PLD1: variants seen among roughly 807,000 people sequenced by gnomAD.
PLD1 encodes the protein phospholipase D1.
PLD1 carries 112 observed loss-of-function variants against 137.1 expected under a neutral mutation model. The ratio of observed to expected loss-of-function variants is 0.82; its 90% CI spans 0.70 to 0.96. PLD1 has a LOEUF of 0.96. Ranked by LOEUF, PLD1 falls within the 40% of genes least tolerant of loss-of-function variation. PLD1 has a pLI of 0.00. For missense variants in PLD1, 1,321 were observed against 1,342.0 expected (o/e 0.98, Z 0.24); for synonymous variants, 431 against 454.7 (o/e 0.95, Z 0.66).
At chr3:171,650,988 G>A (rs1293600584) in intron 21 of PLD1, among the ~76,000 whole-genome samples, 5 of 152,136 alleles carry the variant, frequency 3.3e-5, no homozygotes, top group Non-Finnish European at 5.9e-5. Flanking sequence ...GTACCATGTA[G>A]ATGGGTCACA....
At chr3:171,647,977 T>C (rs1472440513) in intron 21 of PLD1, among the ~76,000 whole-genome samples, 2 of 152,304 alleles carry the variant, frequency 1.3e-5, no homozygotes, top group East Asian at 3.9e-4. Context: ...ACAATACTTG[T>C]CCTTTATGTC....
At chr3:171,676,031 A>G (rs1418271585) in intron 18 of PLD1, among the ~76,000 whole-genome samples, 1 of 151,986 alleles carries the variant, frequency 6.6e-6, no homozygotes, top group Admixed American at 6.6e-5. Flanking sequence ...TAGTAGAGAC[A>G]GGTTTTCACC....
intron 11 of PLD1, among the ~76,000 whole-genome samples, chr3:171,704,165 A>T (rs569178612): frequency 6.6e-6 from 1 of 152,326 alleles, no homozygotes; most frequent in African/African-American, 2.4e-5. Context: ...AAAGAGGCTG[A>T]GAACTGAACT....
At chr3:171,659,152 G>T in intron 21 of PLD1, 61 bp downstream of exon 21, 1 of 1,159,238 alleles carries the variant, frequency 8.6e-7, no homozygotes. Context: ...GCTTTGCAAA[G>T]TCATTTTAGT....
chr3:171,695,098 T>C (rs544847290), intron 12 of PLD1, among the ~76,000 whole-genome samples: 30 of 152,344 alleles, frequency 2.0e-4, no homozygotes, highest in Middle Eastern at 3.4e-3. Context: ...GTATTGACTA[T>C]TATAAACTCT....
Position 171,667,222 on chromosome 3 carries a change from T to C in PLD1, c.2230-5052A>G, listed in dbSNP as rs530244477. ...TGTAGAAGCTCACAAGTGGTATGCA[T>C]TGGGGAGAGAAGGGAAGCCTCTGAT... On this transcript the variant is annotated intron_variant, in intron 19 of 26. Coordinates refer to ENST00000351298, the MANE Select transcript of PLD1 (RefSeq NM_002662.5). Among the ~76,000 whole-genome samples, 48 of 152,146 alleles carry C rather than the reference T, an allele frequency of 3.2e-4. 1 individual carries two copies. Among genetic ancestry groups the C allele is most frequent in the Admixed American group, 7.2e-4 (11 of 15,282 alleles).
In PLD1 at chr3:171,626,743, A is replaced by G. The variant is rs1045712259; in HGVS notation, c.2594-6223T>C. Reference sequence around the variant, plus strand: ...ATTTTCAACCCAGAATTTCATATCCAGCCAAACTAAGCTTCATAAGTGAAG... The same window carrying G: ...ATTTTCAACCCAGAATTTCATATCCGGCCAAACTAAGCTTCATAAGTGAAG... On this transcript the variant is annotated intron_variant, in intron 23 of 26. Coordinates refer to ENST00000351298, the MANE Select transcript of PLD1 (RefSeq NM_002662.5). 1.2e-4 allele frequency among the ~76,000 whole-genome samples: 18 copies of G among 151,528 alleles called. 1 individual carries two copies. Among genetic ancestry groups the G allele is most frequent in the African/African-American group, 4.4e-4 (18 of 40,798 alleles).
intron 14 of PLD1, among the ~76,000 whole-genome samples, chr3:171,688,025 C>T (rs912800400): frequency 1.3e-5 from 2 of 152,076 alleles, no homozygotes; most frequent in Non-Finnish European, 2.9e-5. Context: ...TGAAGCCCAT[C>T]AAATTTTTTA....
In PLD1 at chr3:171,713,893, C is replaced by G; in HGVS notation, c.911G>C (p.Arg304Thr). 6.2e-7 allele frequency: 1 copy of G among 1,609,906 alleles called. No homozygotes were observed. The highest frequency in any genetic ancestry group is 8.5e-7 in the Non-Finnish European group (1 of 1,176,744). Residue 304 changes from arginine (R) to threonine (T), a missense_variant and splice_region_variant, in exon 9 of 27, where the codon AGG becomes ACG. Transcript: ENST00000351298. Reference protein sequence around the residue: ...KYGIRIDNLSRTLILKCNSYR... With the variant: ...KYGIRIDNLSTTLILKCNSYR... ...TTTTTTAAATATTTGAAATGTGTACCTTGAAAGATTATCAATTCGGATTCC... is the reference window on the plus strand; with the variant it reads ...TTTTTTAAATATTTGAAATGTGTACGTTGAAAGATTATCAATTCGGATTCC...
At chr3:171,787,236 A>T (rs926377567) in intron 1 of PLD1, among the ~76,000 whole-genome samples, 7 of 152,180 alleles carry the variant, frequency 4.6e-5, no homozygotes, top group African/African-American at 1.7e-4. Flanking sequence ...ACTAACAGGT[A>T]GCTGACCAGG....
Position 171,692,425 on chromosome 3 carries a change from G to T in PLD1, c.1245C>A (p.Ile415=). 6.3e-7 allele frequency: 1 copy of T among 1,576,806 alleles called. No homozygotes were observed. The highest frequency in any genetic ancestry group is 1.1e-5 in the South Asian group (1 of 90,304). Reference sequence around the variant, plus strand: ...CCACCTCTTTGTAGAGCATTATGAAGATCCTCACTCCTTGTTGCTGTCACA... The same window carrying T: ...CCACCTCTTTGTAGAGCATTATGAATATCCTCACTCCTTGTTGCTGTCACA... ...LKRKAQQGVR[I]FIMLYKEVEL... The change falls in exon 13 of 27, where the codon ATC becomes ATA. Residue 415 remains isoleucine, a synonymous_variant. Coordinates refer to ENST00000351298, the MANE Select transcript of PLD1 (RefSeq NM_002662.5).
At chr3:171,629,317 A>G (rs1439773914) in intron 23 of PLD1, among the ~76,000 whole-genome samples, 2 of 151,906 alleles carry the variant, frequency 1.3e-5, no homozygotes, top group African/African-American at 4.8e-5. Context: ...GACGTGAAGG[A>G]CCTCTTCAAG....
intron 23 of PLD1, among the ~76,000 whole-genome samples, chr3:171,635,962 C>CTTTTTTTTTTTTTTTTTTTTTTT (rs1481093699): frequency 2.7e-5 from 1 of 37,102 alleles, no homozygotes; most frequent in Non-Finnish European, 5.9e-5. Context: ...AGGGGTTCAA[C>CTTTTTTTTTTTTTTTTTTTTTTT]TTCTTTTTTT....
At chr3:171,751,549 T>C (rs1160748354) in intron 1 of PLD1, among the ~76,000 whole-genome samples, 1 of 152,232 alleles carries the variant, frequency 6.6e-6, no homozygotes, top group African/African-American at 2.4e-5. Flanking sequence ...ACTTTAAACA[T>C]GCTCAACCTT....
chr3:171,683,781 TCAC>T (rs1422369141), intron 16 of PLD1, among the ~76,000 whole-genome samples: 2 of 152,250 alleles, frequency 1.3e-5, no homozygotes, highest in Non-Finnish European at 2.9e-5. Flanking sequence ...TCTGTTTTAT[TCAC>T]CACATCTCTA....
intron 1 of PLD1, among the ~76,000 whole-genome samples, chr3:171,798,014 C>G (rs1003340049): frequency 4.6e-5 from 7 of 152,222 alleles, no homozygotes; most frequent in Admixed American, 2.0e-4. Context: ...TGTCACTGAC[C>G]CTTAAAATGT....
chr3:171,683,219 C>A (rs1714187976), intron 16 of PLD1, among the ~76,000 whole-genome samples: 1 of 152,078 alleles, frequency 6.6e-6, no homozygotes, highest in South Asian at 2.1e-4. Context: ...GTCAGCTCGA[C>A]CCTCAAAATA....
intron 9 of PLD1, among the ~76,000 whole-genome samples, chr3:171,711,294 C>A (rs1249899528): frequency 6.6e-6 from 1 of 151,188 alleles, no homozygotes; most frequent in Non-Finnish European, 1.5e-5. Flanking sequence ...CCTCAGCCTC[C>A]TAAGTAGCTG....
chr3:171,694,295 T>C (rs1387386108), intron 12 of PLD1, among the ~76,000 whole-genome samples: 1 of 152,134 alleles, frequency 6.6e-6, no homozygotes, highest in African/African-American at 2.4e-5. Flanking sequence ...CAGCTGGCTT[T>C]TAGTACTTGC....
Sources: allele counts gnomAD v4.1 joint callset (sites outside exome capture counted in the v4.1 genomes callset), GRCh38; gene constraint gnomAD v4.1.1; transcripts MANE v1.5; gene names NCBI Gene and HGNC (gene_info 2026-07-23, HGNC 2026-07-21).